RAB15: variants seen among roughly 807,000 people sequenced by gnomAD.
RAB15 encodes the protein RAB15, member RAS oncogene family.
In RAB15, 13 loss-of-function variants were observed where a neutral mutation model predicts 31.8. The observed-to-expected ratio is 0.41, with a 90% CI of 0.27 to 0.65. The LOEUF (loss-of-function observed/expected upper bound fraction) is 0.65. RAB15 is among the 30% of genes least tolerant of loss of function. The pLI, the probability that RAB15 is intolerant of heterozygous loss-of-function variation, is 0.32. For missense variants in RAB15, 220 were observed against 277.3 expected (o/e 0.79, Z 1.47); for synonymous variants, 100 against 105.6 (o/e 0.95, Z 0.33).
In RAB15 at chr14:64,948,503, G is replaced by A. The variant is rs368631376; in HGVS notation, c.490C>T (p.Arg164Cys). The A allele has an allele frequency of 1.9e-5, 31 of 1,606,920 alleles. No homozygotes were observed. The highest frequency in any genetic ancestry group is 2.7e-5 in the African/African-American group (2 of 74,712). ...TNLNIKESFT[R>C]LTELVLQAHR... ...GCCTGCAGCACCAGCTCTGTCAGAC[G>A]CGTGAATGACTGGAAACCAAAGGGC... is the stretch of plus-strand genomic sequence containing the variant. Residue 164 changes from arginine (R) to cysteine (C), a missense_variant, in exon 7 of 7, where the codon CGT (arginine) becomes TGT (cysteine). Transcript: ENST00000533601. This position sits in a 1 kb window ranked among gnomAD's most constrained non-coding sequence, Gnocchi z 7.0.
rs950949726 is a variant in RAB15 at position 64,950,169 on chromosome 14, C to T, written c.414+156G>A. Reference sequence around the variant, plus strand: ...CTGTCCTGAAACCCAGACAACAAGCCTTCCGAGGATGGCCACTCCCCCAGG... The same window carrying T: ...CTGTCCTGAAACCCAGACAACAAGCTTTCCGAGGATGGCCACTCCCCCAGG... On this transcript the variant is annotated intron_variant, in intron 5 of 6. Transcript: ENST00000533601. This position sits in a 1 kb window ranked among gnomAD's most constrained non-coding sequence, Gnocchi z 5.6. Among the ~76,000 whole-genome samples, 2 of 152,148 alleles carry T rather than the reference C, an allele frequency of 1.3e-5. No individual in the cohort carries two copies. The highest frequency in any genetic ancestry group is 4.8e-5 in the African/African-American group (2 of 41,424).
rs1886210447 is a variant in RAB15, at chr14:64,950,896, A to C, written c.324+178T>G. The C allele has an allele frequency of 7.6e-7, 1 of 1,315,840 alleles. No homozygotes were observed. The highest frequency in any genetic ancestry group is 1.3e-5 in the South Asian group (1 of 79,858). The allele number at this position is 1,315,840 out of a possible 1,614,324, so 81.5% of individuals were successfully genotyped here. On this transcript the variant is annotated intron_variant, in intron 4 of 6. Transcript: ENST00000533601. This position sits in a 1 kb window ranked among gnomAD's most constrained non-coding sequence, Gnocchi z 5.6. Reference sequence around the variant, plus strand: ...GCCGTGGAGGCCTGGCAGGGTATAGAGAGTGAGGGCATGGCAGCTTCGGTT... The same window carrying C: ...GCCGTGGAGGCCTGGCAGGGTATAGCGAGTGAGGGCATGGCAGCTTCGGTT...
At position 64,946,680 on chromosome 14, in the gene RAB15, T is replaced by C. The variant is rs1885938136; in HGVS notation, c.*1674A>G. 6.6e-6 allele frequency: 1 copy of C among 152,212 alleles called. No homozygotes were observed. Among genetic ancestry groups the C allele is most frequent in the Non-Finnish European group, 1.5e-5 (1 of 68,056 alleles). 9.4% of individuals were successfully genotyped at this position (152,212 alleles called of 1,614,324 possible). A position where few individuals can be genotyped will look rare whatever the true frequency, so the allele number is the denominator to read the frequency against. ...TGGAGGAGTAAGGAAGTGAGGTTCT[T>C]ATCCTTCACATATGAGTGCCCTGGA... On this transcript the variant is annotated 3_prime_UTR_variant, in exon 7 of 7. Transcript: ENST00000533601.
At position 64,970,417 on chromosome 14, in the gene RAB15, C is replaced by G. The variant is rs964236858; in HGVS notation, c.124+1536G>C. 2.6e-5 allele frequency among the ~76,000 whole-genome samples: 4 copies of G among 152,188 alleles called. No homozygotes were observed. The highest frequency in any genetic ancestry group is 4.4e-5 in the Non-Finnish European group (3 of 68,044). On this transcript the variant is annotated intron_variant, in intron 1 of 6. Transcript: ENST00000533601. This position sits in a 1 kb window ranked among gnomAD's most constrained non-coding sequence, Gnocchi z 4.1. ...GGCTCCCCTTCTTTCTGCAATGTCT[C>G]TCATCCAAACCATGGCTCAGCCCAA...
chr14:64,969,869 G>T (rs1298202365), intron 1 of RAB15, among the ~76,000 whole-genome samples: 1 of 152,320 alleles, frequency 6.6e-6, no homozygotes, highest in South Asian at 2.1e-4. Flanking sequence ...ACAAGGAGAA[G>T]GGTGGATGAT....
Position 64,951,562 on chromosome 14 carries a change from T to C in RAB15, c.246+41A>G, listed in dbSNP as rs759561426. On this transcript the variant is annotated intron_variant, in intron 3 of 6. Transcript: ENST00000533601. This position sits in a 1 kb window ranked among gnomAD's most constrained non-coding sequence, Gnocchi z 7.2. ...AAATACCCAGAGCTGGGAGTGTGGG[T>C]GGCAGCTTCCCACTTTGAAACCCCC... 4.4e-5 allele frequency: 69 copies of C among 1,568,624 alleles called. No individual in the cohort carries two copies. The highest frequency in any genetic ancestry group is 5.4e-5 in the Non-Finnish European group (62 of 1,138,552).
rs1887469071 is a variant in RAB15, at chr14:64,972,227, T to G, written c.-151A>C. The G allele has an allele frequency of 2.5e-6, 1 of 405,086 alleles. No individual in the cohort carries two copies. The highest frequency in any genetic ancestry group is 3.3e-6 in the Non-Finnish European group (1 of 300,704). 25.1% of individuals were successfully genotyped at this position (405,086 alleles called of 1,614,324 possible). On this transcript the variant is annotated 5_prime_UTR_variant, in exon 1 of 7. Coordinates refer to ENST00000533601, the MANE Select transcript of RAB15 (RefSeq NM_001308154.2). The surrounding 1 kb of genome is among the most constrained non-coding windows in gnomAD (Gnocchi z 6.3). ...CCCGCGGCTGCCTCGCCCGCCCGCCTGCCCACTCGCTCGCTGGGTGCCGGG... is the reference window on the plus strand; with the variant it reads ...CCCGCGGCTGCCTCGCCCGCCCGCCGGCCCACTCGCTCGCTGGGTGCCGGG...
chr14:64,961,632 G>C (rs554662717), intron 1 of RAB15, among the ~76,000 whole-genome samples: 1 of 152,278 alleles, frequency 6.6e-6, no homozygotes, highest in African/African-American at 2.4e-5. Flanking sequence ...TCAAGCCCAG[G>C]CATGGTGGCT....
chr14:64,965,126 TTTG>T (rs2139998410), intron 1 of RAB15, among the ~76,000 whole-genome samples: 1 of 152,278 alleles, frequency 6.6e-6, no homozygotes, highest in East Asian at 1.9e-4. Flanking sequence ...AAAAAGTGTT[TTTG>T]TTTTGTTTTC....
rs567346090 is a variant in RAB15 at position 64,958,180 on chromosome 14, A to G, written c.125-5609T>C. ...GGCATCTAGAAGTGAGGCAGGGGGC[A>G]CATGAGGAGAAGCCCGCTGCTGTGG... On this transcript the variant is annotated intron_variant, in intron 1 of 6. Coordinates refer to ENST00000533601, the MANE Select transcript of RAB15 (RefSeq NM_001308154.2). The surrounding 1 kb of genome is among the most constrained non-coding windows in gnomAD (Gnocchi z 4.4). 2 of 152,360 alleles carry G rather than the reference A, an allele frequency of 1.3e-5. No individual in the cohort carries two copies. Among genetic ancestry groups the G allele is most frequent in the East Asian group, 3.9e-4 (2 of 5,178 alleles). 9.4% of individuals were successfully genotyped at this position (152,360 alleles called of 1,614,324 possible).
intron 1 of RAB15, among the ~76,000 whole-genome samples, chr14:64,963,321 T>A (rs1281704531): frequency 6.6e-6 from 1 of 152,066 alleles, no homozygotes; most frequent in East Asian, 1.9e-4. Context: ...GGTTTCACCA[T>A]GTTGACCAGG....
In RAB15 at chr14:64,950,962, G is replaced by A; in HGVS notation, c.324+112C>T. 1 of 1,613,322 alleles carries A rather than the reference G, an allele frequency of 6.2e-7. No individual in the cohort carries two copies. The highest frequency in any genetic ancestry group is 1.3e-5 in the African/African-American group (1 of 75,014). On this transcript the variant is annotated intron_variant, in intron 4 of 6. Coordinates refer to ENST00000533601, the MANE Select transcript of RAB15 (RefSeq NM_001308154.2). The surrounding 1 kb of genome is among the most constrained non-coding windows in gnomAD (Gnocchi z 5.6). Reference sequence around the variant, plus strand: ...ACTCACCCAGAGGTCTTCATCCAGGGCTGTGGAAGGCAAAGCTTCCTGGAA... The same window carrying A: ...ACTCACCCAGAGGTCTTCATCCAGGACTGTGGAAGGCAAAGCTTCCTGGAA...
chr14:64,950,823 C>G lies in RAB15; in HGVS notation c.324+251G>C. On this transcript the variant is annotated intron_variant, in intron 4 of 6. Transcript: ENST00000533601. The surrounding 1 kb of genome is among the most constrained non-coding windows in gnomAD (Gnocchi z 5.6). Reference sequence around the variant, plus strand: ...TGGTCCCAAGATTTCAGGAAAGAAGCTGCTCACAGGGAAGACTTGGAACTA... The same window carrying G: ...TGGTCCCAAGATTTCAGGAAAGAAGGTGCTCACAGGGAAGACTTGGAACTA... The G allele has an allele frequency of 1.4e-6, 1 of 722,106 alleles. No homozygotes were observed. Among genetic ancestry groups the G allele is most frequent in the Non-Finnish European group, 2.4e-6 (1 of 424,038 alleles). The allele number at this position is 722,106 out of a possible 1,614,324, so 44.7% of individuals were successfully genotyped here.
Position 64,951,992 on chromosome 14 carries a change from C to G in RAB15, c.186-329G>C, listed in dbSNP as rs992511286. On this transcript the variant is annotated intron_variant, in intron 2 of 6. Coordinates refer to ENST00000533601, the MANE Select transcript of RAB15 (RefSeq NM_001308154.2). The surrounding 1 kb of genome is among the most constrained non-coding windows in gnomAD (Gnocchi z 7.2). ...GAGTTGGCAGGGGATGCTGCTACAC[C>G]CCTAGTCCCTATGGGACCTCTGAAG... Among the ~76,000 whole-genome samples the G allele has an allele frequency of 2.0e-5, 3 of 152,088 alleles. No individual in the cohort carries two copies. The highest frequency in any genetic ancestry group is 7.2e-5 in the African/African-American group (3 of 41,382).
intron 1 of RAB15, among the ~76,000 whole-genome samples, chr14:64,963,951 G>T (rs1886987467): frequency 6.6e-6 from 1 of 152,152 alleles, no homozygotes; most frequent in Non-Finnish European, 1.5e-5. Context: ...TGATTCCAAA[G>T]CATCCTGACA....
chr14:64,948,283 C>T lies in RAB15; in HGVS notation c.*71G>A. On this transcript the variant is annotated 3_prime_UTR_variant, in exon 7 of 7. Transcript: ENST00000533601. The surrounding 1 kb of genome is among the most constrained non-coding windows in gnomAD (Gnocchi z 7.0). ...CGAGAGGACAGCAGCAGGGCAAAGC[C>T]CCGGCTCCCCTGTCTGCCCACGGGC... 6 of 1,419,006 alleles carry T rather than the reference C, an allele frequency of 4.2e-6. No individual in the cohort carries two copies. The South Asian group carries it at 7.4e-5, about 18-fold the overall frequency. 87.9% of individuals were successfully genotyped at this position (1,419,006 alleles called of 1,614,324 possible).
Position 64,948,295 on chromosome 14 carries a change from G to T in RAB15, c.*59C>A. 1 of 1,435,090 alleles carries T rather than the reference G, an allele frequency of 7.0e-7. No individual in the cohort carries two copies. Among genetic ancestry groups the T allele is most frequent in the South Asian group, 1.5e-5 (1 of 68,396 alleles). The allele number at this position is 1,435,090 out of a possible 1,614,324, so 88.9% of individuals were successfully genotyped here. ...AGCAGGGCAAAGCCCCGGCTCCCCT[G>T]TCTGCCCACGGGCCTCCTGAGGGAA... On this transcript the variant is annotated 3_prime_UTR_variant, in exon 7 of 7. Transcript: ENST00000533601. This position sits in a 1 kb window ranked among gnomAD's most constrained non-coding sequence, Gnocchi z 7.0.
rs1416050423 is a variant in RAB15, at chr14:64,950,858, C to A, written c.324+216G>T. 2 of 917,120 alleles carry A rather than the reference C, an allele frequency of 2.2e-6. No individual in the cohort carries two copies. The highest frequency in any genetic ancestry group is 1.7e-5 in the African/African-American group (1 of 60,102). The allele number at this position is 917,120 out of a possible 1,614,324, so 56.8% of individuals were successfully genotyped here. A position where few individuals can be genotyped will look rare whatever the true frequency, so the allele number is the denominator to read the frequency against. ...GGAAGACTTGGAACTAATTCATTTC[C>A]GGGAAAGACACAGCCGTGGAGGCCT... On this transcript the variant is annotated intron_variant, in intron 4 of 6. Transcript: ENST00000533601. This position sits in a 1 kb window ranked among gnomAD's most constrained non-coding sequence, Gnocchi z 5.6.
chr14:64,957,365 G>A (rs937375908), intron 1 of RAB15, among the ~76,000 whole-genome samples: 3 of 152,110 alleles, frequency 2.0e-5, no homozygotes, highest in South Asian at 2.1e-4. Context: ...CTGAATAAAG[G>A]CTTCCTGGGG....
Sources: gnomAD v4.1 joint callset for allele counts (sites outside exome capture counted in the v4.1 genomes callset) on GRCh38, gnomAD v4.1.1 for gene constraint, Gnocchi (gnomAD v3.1) non-coding constraint, MANE v1.5 for transcripts, NCBI Gene and HGNC (gene_info 2026-07-23, HGNC 2026-07-21) for gene names.